The following UBE2D2 variants were observed in gnomAD, a reference collection of about 807,000 sequenced individuals.
UBE2D2 encodes the protein ubiquitin-conjugating enzyme E2 D2.
A neutral mutation model predicts 24.2 loss-of-function variants in UBE2D2; 2 were observed. The observed-to-expected ratio is 0.08, with a 90% CI of 0.03 to 0.26. The LOEUF (loss-of-function observed/expected upper bound fraction) is 0.26, where lower values mean the gene tolerates loss of function less well. Ranked by LOEUF, UBE2D2 falls within the 10% of genes least tolerant of loss-of-function variation. The pLI is 1.00. For missense variants in UBE2D2, 44 were observed against 177.6 expected (o/e 0.25, Z 4.28); for synonymous variants, 58 against 56.5 (o/e 1.03, Z -0.12).
At chr5:139,552,046 C>G (rs1264782842) in intron 1 of UBE2D2, among the ~76,000 whole-genome samples, 1 of 152,150 alleles carries the variant, frequency 6.6e-6, no homozygotes, top group Non-Finnish European at 1.5e-5. Context: ...AGTATAATTC[C>G]TTGGATAAAC....
intron 1 of UBE2D2, among the ~76,000 whole-genome samples, chr5:139,580,369 C>G (rs1753571758): frequency 6.6e-6 from 1 of 152,100 alleles, no homozygotes; most frequent in South Asian, 2.1e-4. Context: ...CTGGCCAATC[C>G]TATCATTTTG....
intron 1 of UBE2D2, among the ~76,000 whole-genome samples, chr5:139,572,189 CTGCT>C (rs1226013348): frequency 5.3e-5 from 8 of 152,192 alleles, no homozygotes; most frequent in Admixed American, 2.0e-4. Flanking sequence ...TTCTGATAAA[CTGCT>C]TTCTTCTTCC....
intron 1 of UBE2D2, among the ~76,000 whole-genome samples, chr5:139,536,098 T>C (rs547546271): frequency 6.6e-6 from 1 of 151,214 alleles, no homozygotes; most frequent in African/African-American, 2.4e-5. Context: ...TATTATTTTA[T>C]TTATTTATTT....
chr5:139,551,885 C>G (rs1752924643), intron 1 of UBE2D2, among the ~76,000 whole-genome samples: 1 of 152,188 alleles, frequency 6.6e-6, no homozygotes, highest in Non-Finnish European at 1.5e-5. Context: ...GGCAAAGCTA[C>G]TGTCATTTTT....
chr5:139,527,702 G>A (rs1490665111), intron 1 of UBE2D2, among the ~76,000 whole-genome samples: 1 of 152,020 alleles, frequency 6.6e-6, no homozygotes, highest in Non-Finnish European at 1.5e-5. Flanking sequence ...AAGTCAAAAA[G>A]TTAAAACATG....
At chr5:139,529,757 C>T (rs981603343) in intron 1 of UBE2D2, among the ~76,000 whole-genome samples, 1 of 152,156 alleles carries the variant, frequency 6.6e-6, no homozygotes, top group African/African-American at 2.4e-5. Flanking sequence ...AGACCTTCTA[C>T]CAGTATTTTC....
At chr5:139,613,661 A>G (rs1224846831) in intron 2 of UBE2D2, among the ~76,000 whole-genome samples, 2 of 151,752 alleles carry the variant, frequency 1.3e-5, no homozygotes, top group South Asian at 4.2e-4. Context: ...TCTTTCTTTA[A>G]TGAGGGCCAG....
intron 1 of UBE2D2, among the ~76,000 whole-genome samples, chr5:139,534,453 C>A (rs1752639887): frequency 6.6e-6 from 1 of 151,962 alleles, no homozygotes; most frequent in Non-Finnish European, 1.5e-5. Context: ...GTAGTCCCAG[C>A]TACTCAGGAG....
intron 1 of UBE2D2, among the ~76,000 whole-genome samples, chr5:139,537,861 G>C (rs1439711262): frequency 1.3e-5 from 2 of 151,672 alleles, no homozygotes; most frequent in Admixed American, 1.3e-4. Flanking sequence ...CTACTGGGGA[G>C]GCTAAGGCAG....
chr5:139,539,952 T>C lies in UBE2D2; in HGVS notation c.-64+13340T>C, dbSNP rs922404636. Among the ~76,000 whole-genome samples, 9 of 150,216 alleles carry C rather than the reference T, an allele frequency of 6.0e-5. No individual in the cohort carries two copies. The South Asian group carries it at 1.9e-3, about 32-fold the overall frequency. On this transcript the variant is annotated intron_variant, in intron 1 of 6. Transcript: ENST00000511725. ...TATATTTTCTGAGACGGAGTTTCTTTCTTGTTGCCCAGGCTGGAGTGCAAT... is the reference window on the plus strand; with the variant it reads ...TATATTTTCTGAGACGGAGTTTCTTCCTTGTTGCCCAGGCTGGAGTGCAAT...
intron 1 of UBE2D2, among the ~76,000 whole-genome samples, chr5:139,580,317 A>T (rs1031986583): frequency 3.2e-4 from 49 of 152,190 alleles, no homozygotes; most frequent in Admixed American, 2.0e-3. Flanking sequence ...CGCCCACCTC[A>T]GCCTTCCAAA....
chr5:139,576,966 A>T (rs1328218456), intron 1 of UBE2D2, among the ~76,000 whole-genome samples: 5 of 120,270 alleles, frequency 4.2e-5, no homozygotes, highest in African/African-American at 3.5e-5. Flanking sequence ...TTTTAACTTG[A>T]ATTTTTTTTT....
At chr5:139,565,211 A>G (rs1753191985) in intron 1 of UBE2D2, among the ~76,000 whole-genome samples, 1 of 152,228 alleles carries the variant, frequency 6.6e-6, no homozygotes, top group South Asian at 2.1e-4. Context: ...GGAATTCAAT[A>G]TCTTGTTTCT....
At chr5:139,594,586 G>T (rs1304920996) in intron 1 of UBE2D2, among the ~76,000 whole-genome samples, 3 of 151,862 alleles carry the variant, frequency 2.0e-5, no homozygotes, top group African/African-American at 7.3e-5. Context: ...ACTAATTTTT[G>T]TATTTTTAGT....
At chr5:139,619,233 C>T (rs962887962) in intron 5 of UBE2D2, among the ~76,000 whole-genome samples, 18 of 151,680 alleles carry the variant, frequency 1.2e-4, no homozygotes, top group Non-Finnish European at 4.4e-5. Flanking sequence ...TGATTTCTAC[C>T]AATAATACAA....
intron 1 of UBE2D2, among the ~76,000 whole-genome samples, chr5:139,537,515 A>T (rs1752701238): frequency 6.6e-6 from 1 of 151,780 alleles, no homozygotes; most frequent in Non-Finnish European, 1.5e-5. Flanking sequence ...TCGCTCTGTC[A>T]CCCCGGCTGG....
intron 1 of UBE2D2, among the ~76,000 whole-genome samples, chr5:139,585,088 CAG>C (rs1561511367): frequency 6.6e-6 from 1 of 151,566 alleles, no homozygotes; most frequent in African/African-American, 2.4e-5. Flanking sequence ...TTAGTAGAGA[CAG>C]GGCTTCTCCA....
At chr5:139,626,188 C>G (rs1428157811) in intron 6 of UBE2D2, among the ~76,000 whole-genome samples, 1 of 152,034 alleles carries the variant, frequency 6.6e-6, no homozygotes, top group Non-Finnish European at 1.5e-5. Context: ...CCCACCTCAG[C>G]CTCCTGAGTA....
intron 1 of UBE2D2, among the ~76,000 whole-genome samples, chr5:139,540,537 C>A (rs1172077242): frequency 8.2e-6 from 1 of 121,912 alleles, no homozygotes; most frequent in Non-Finnish European, 1.6e-5. Context: ...CAGAGCAAGA[C>A]TCCATCTCAA....
Sources: allele counts gnomAD v4.1 joint callset (sites outside exome capture counted in the v4.1 genomes callset), GRCh38; gene constraint gnomAD v4.1.1; transcripts MANE v1.5; gene names NCBI Gene and HGNC (gene_info 2026-07-23, HGNC 2026-07-21).